The following DGKD variants were observed in gnomAD, a reference collection of about 807,000 sequenced individuals.
The protein encoded by DGKD is DAG kinase delta.
In DGKD, 68 loss-of-function variants were observed where a neutral mutation model predicts 154.4. The observed-to-expected ratio is 0.44, with a 90% CI of 0.36 to 0.54. The LOEUF (loss-of-function observed/expected upper bound fraction) is 0.54. DGKD is among the 20% of genes least tolerant of loss of function. The probability of loss-of-function intolerance (pLI) is 0.00; values close to 1 mark genes in which losing one functional copy is unlikely to be tolerated. For synonymous variants in DGKD, 693 were observed against 638.0 expected, an observed-to-expected ratio of 1.09 and a Z score of -1.30; for missense variants, 1,343 against 1,593.6, an observed-to-expected ratio of 0.84 and a Z score of 2.68.
At position 233,449,433 on chromosome 2, in the gene DGKD, G is replaced by T. The variant is rs2242101; in HGVS notation, c.1888+57G>T. ...CTCAGGCCAGCACTGGGCATGCCCA[G>T]CGTCCCCTGAACACGGAGATGACAG... On this transcript the variant is annotated intron_variant, in intron 15 of 29. Transcript: ENST00000264057. The surrounding 1 kb of genome is among the most constrained non-coding windows in gnomAD (Gnocchi z 5.3). The T allele has an allele frequency of 1.5e-3, 2,318 of 1,540,650 alleles. 58 individuals are homozygous for T. In the East Asian group the frequency reaches 0.05, roughly 33 times the overall value.
In DGKD at chr2:233,462,766, C is replaced by A. The variant is rs200904565; in HGVS notation, c.3186+31C>A. On this transcript the variant is annotated intron_variant, in intron 26 of 29. Coordinates refer to ENST00000264057, the MANE Select transcript of DGKD (RefSeq NM_152879.3). ...CTGGTGCCCCAGGGACAGCAGGGCT[C>A]GGGCTGTGTGTGAAACGACTGCTGT... 3.1e-6 allele frequency: 5 copies of A among 1,594,534 alleles called. No individual in the cohort carries two copies. In the Admixed American group the frequency reaches 6.7e-5, roughly 21 times the overall value.
intron 3 of DGKD, among the ~76,000 whole-genome samples, chr2:233,423,072 G>A (rs1335746390): frequency 6.6e-6 from 1 of 152,186 alleles, no homozygotes; most frequent in Non-Finnish European, 1.5e-5. Context: ...CCTCATTGAG[G>A]TTGATGAGTC....
chr2:233,450,966 T>G lies in DGKD; in HGVS notation c.2083T>G (p.Ser695Ala). ...CEKLISKGSL[S>A]LGSSASLPPQ... ...AAAGCTGATCAGCAAAGGGAGTCTG[T>G]CCCTAGGCAGTTCTGCTTCCCTTCC... The change falls in exon 17 of 30, where the codon TCC (serine) becomes GCC (alanine). Residue 695 changes from serine (S) to alanine (A), a missense_variant. Physicochemically the swap from Ser to Ala is moderately conservative, Grantham distance 99. Around this residue, in one of 6 missense-constraint regions of DGKD, gnomAD observed 409 missense variants for 446.0 expected, o/e 0.92. Transcript: ENST00000264057. 6.2e-7 allele frequency: 1 copy of G among 1,612,442 alleles called. No individual in the cohort carries two copies. The highest frequency in any genetic ancestry group is 1.7e-5 in the Admixed American group (1 of 60,012).
intron 3 of DGKD, among the ~76,000 whole-genome samples, chr2:233,403,831 G>A (rs947167180): frequency 1.3e-5 from 2 of 151,834 alleles, no homozygotes; most frequent in Admixed American, 6.6e-5. Context: ...TAGTAGAGAC[G>A]GGGTTTCACC....
At chr2:233,433,387 A>G (rs745994153) in intron 3 of DGKD, among the ~76,000 whole-genome samples, 1 of 152,204 alleles carries the variant, frequency 6.6e-6, no homozygotes, top group African/African-American at 2.4e-5. Context: ...TAATAAAAAA[A>G]AAAAGAAAAC....
intron 26 of DGKD, chr2:233,463,765 C>T (rs927455462): frequency 3.3e-5 from 8 of 240,416 alleles, no homozygotes; most frequent in South Asian, 2.4e-4. Flanking sequence ...CCTCGTCCCA[C>T]GTCCCGTGGT....
At position 233,365,717 on chromosome 2, in the gene DGKD, A is replaced by G. The variant is rs114825536; in HGVS notation, c.156+11043A>G. ...TGAAATTATAGAGTATGTTCTGACA[A>G]CAGAATTAAGCCAGGATCAATAAAA... On this transcript the variant is annotated intron_variant, in intron 1 of 29. Coordinates refer to ENST00000264057, the MANE Select transcript of DGKD (RefSeq NM_152879.3). Among the ~76,000 whole-genome samples, 428 of 152,368 alleles carry G rather than the reference A, an allele frequency of 2.8e-3. 2 individuals carry two copies. The highest frequency in any genetic ancestry group is 9.8e-3 in the African/African-American group (407 of 41,594).
At chr2:233,416,188 C>T (rs1316557359) in intron 3 of DGKD, among the ~76,000 whole-genome samples, 6 of 152,152 alleles carry the variant, frequency 3.9e-5, no homozygotes, top group Non-Finnish European at 8.8e-5. Flanking sequence ...GCATCTTAAC[C>T]ATTTTTAAGA....
intron 7 of DGKD, 77 bp downstream of exon 7, chr2:233,436,518 C>T (rs1214993193): frequency 1.3e-5 from 20 of 1,535,590 alleles, no homozygotes; most frequent in Admixed American, 2.0e-5. Context: ...TGCGGCTCCG[C>T]ATGATCTGCT....
At chr2:233,425,398 A>G (rs1271173900) in intron 3 of DGKD, among the ~76,000 whole-genome samples, 2 of 152,118 alleles carry the variant, frequency 1.3e-5, no homozygotes, top group Non-Finnish European at 2.9e-5. Flanking sequence ...TGTGTTAGCC[A>G]GGATGGTCTC....
chr2:233,447,107 C>T (rs1428664709), intron 12 of DGKD, among the ~76,000 whole-genome samples: 1 of 152,178 alleles, frequency 6.6e-6, no homozygotes, highest in South Asian at 2.1e-4. Context: ...CAGTGAGCCC[C>T]AAACGGTGCG....
Position 233,441,902 on chromosome 2 carries a change from G to T in DGKD, c.1101G>T (p.Gln367His). 1 of 1,613,936 alleles carries T rather than the reference G, an allele frequency of 6.2e-7. No individual in the cohort carries two copies. The highest frequency in any genetic ancestry group is 8.5e-7 in the Non-Finnish European group (1 of 1,179,792). The change falls in exon 10 of 30, where the codon CAG (glutamine) becomes CAT (histidine). Residue 367 changes from glutamine (Q) to histidine (H), a missense_variant. Physicochemically the swap from Gln to His is conservative, Grantham distance 24. This residue lies in a region of DGKD where 56 missense variants were observed against 111.1 expected (regional missense o/e 0.50). Transcript: ENST00000264057. This position sits in a 1 kb window ranked among gnomAD's most constrained non-coding sequence, Gnocchi z 5.6. ...TTCTCTGCAGCTTACGGTTATTCCA[G>T]AAGTTTGACACATTCCGGATTCTGG... ...GGPHLGLRLF[Q>H]KFDTFRILVC... is the part of the protein sequence containing the mutation.
chr2:233,378,983 A>G (rs564911388), intron 1 of DGKD, among the ~76,000 whole-genome samples: 3 of 152,226 alleles, frequency 2.0e-5, no homozygotes, highest in African/African-American at 7.2e-5. Flanking sequence ...GTGAGCTGTG[A>G]TTGAGCCACT....
chr2:233,398,002 G>GT (rs201457421), intron 3 of DGKD, among the ~76,000 whole-genome samples: 1,852 of 151,834 alleles, frequency 0.012, 13 homozygotes, highest in Non-Finnish European at 0.021. Flanking sequence ...TAATTTGTTG[G>GT]TTTTTTTCCT....
At chr2:233,453,147 TGCTCA>T (rs1432673140) in intron 18 of DGKD, among the ~76,000 whole-genome samples, 1 of 152,244 alleles carries the variant, frequency 6.6e-6, no homozygotes, top group East Asian at 1.9e-4. Flanking sequence ...CCACTTCTGT[TGCTCA>T]GCTGGGTGGT....
intron 24 of DGKD, among the ~76,000 whole-genome samples, chr2:233,461,859 C>T (rs2063655979): frequency 6.6e-6 from 1 of 152,256 alleles, no homozygotes; most frequent in African/African-American, 2.4e-5. Context: ...GTGACTTGTG[C>T]TCTCACCGTC....
At position 233,440,216 on chromosome 2, in the gene DGKD, GCTA is replaced by G. The variant is rs1277192848; in HGVS notation, c.1086-1668_1086-1666del. On this transcript the variant is annotated intron_variant, in intron 9 of 29. Coordinates refer to ENST00000264057, the MANE Select transcript of DGKD (RefSeq NM_152879.3). The surrounding 1 kb of genome is among the most constrained non-coding windows in gnomAD (Gnocchi z 4.9). ...CACACAGCTCACAGCAGAATCTGGAGCTACTGCTTCATGTTCCAGTTCCTGGCC... is the reference window on the plus strand; with the variant it reads ...CACACAGCTCACAGCAGAATCTGGAGCTGCTTCATGTTCCAGTTCCTGGCC... 6.6e-6 allele frequency among the ~76,000 whole-genome samples: 1 copy of G among 152,192 alleles called. No individual in the cohort carries two copies. Among genetic ancestry groups the G allele is most frequent in the Non-Finnish European group, 1.5e-5 (1 of 68,034 alleles).
intron 3 of DGKD, among the ~76,000 whole-genome samples, chr2:233,426,004 C>T (rs1375906130): frequency 6.6e-6 from 1 of 152,142 alleles, no homozygotes; most frequent in African/African-American, 2.4e-5. Context: ...ATTTTTGCCC[C>T]AGTGTATGAG....
At chr2:233,425,632 G>A (rs984587422) in intron 3 of DGKD, among the ~76,000 whole-genome samples, 1 of 152,156 alleles carries the variant, frequency 6.6e-6, no homozygotes, top group African/African-American at 2.4e-5. Flanking sequence ...TGTTTTCTCT[G>A]TACCCATACT....
Sources: allele counts gnomAD v4.1 joint callset (sites outside exome capture counted in the v4.1 genomes callset), GRCh38; gene constraint gnomAD v4.1.1; regional missense constraint gnomAD v4.1.1; non-coding constraint Gnocchi (gnomAD v3.1); transcripts MANE v1.5; gene names NCBI Gene and HGNC (gene_info 2026-07-23, HGNC 2026-07-21).